Variants in BCAS3 observed in about 807,000 individuals in gnomAD.
The protein encoded by BCAS3 is BCAS3 microtubule associated cell migration factor, also known as BCAS4/BCAS3 fusion.
BCAS3 carries 53 observed loss-of-function variants against 116.1 expected under a neutral mutation model. The observed-to-expected ratio is 0.46, with a 90% confidence interval of 0.37 to 0.57. The LOEUF is 0.57. BCAS3 is among the 20% of genes least tolerant of loss of function. The pLI, the probability that BCAS3 is intolerant of heterozygous loss-of-function variation, is 0.00. For synonymous variants in BCAS3, 391 were observed against 408.2 expected (o/e 0.96, Z 0.51); for missense variants, 917 against 1,165.4 (o/e 0.79, Z 3.10).
Position 61,282,268 on chromosome 17 carries a change from T to A in BCAS3, c.2426-86059T>A, listed in dbSNP as rs2051303306. Among the ~76,000 whole-genome samples the A allele has an allele frequency of 6.6e-6, 1 of 152,202 alleles. No individual in the cohort carries two copies. Among genetic ancestry groups the A allele is most frequent in the South Asian group, 2.1e-4 (1 of 4,830 alleles). On this transcript the variant is annotated intron_variant, in intron 22 of 23. Transcript: ENST00000407086. This position sits in a 1 kb window ranked among gnomAD's most constrained non-coding sequence, Gnocchi z 5.9. ...TAGGAAAAAGCAAAGCTCATAAATG[T>A]GGGGTTTTCTTTATTGCTTCTTTGG... is the stretch of plus-strand genomic sequence containing the variant.
At chr17:61,036,739 G>C (rs2067065597) in intron 17 of BCAS3, among the ~76,000 whole-genome samples, 1 of 152,014 alleles carries the variant, frequency 6.6e-6, no homozygotes, top group Admixed American at 6.6e-5. Flanking sequence ...TTTGCTAGTG[G>C]GTACATGTGT....
chr17:60,783,074 A>AAATATATT, intron 6 of BCAS3, among the ~76,000 whole-genome samples: 1 of 152,248 alleles, frequency 6.6e-6, no homozygotes. Flanking sequence ...ATGCTGATAC[A>AAATATATT]TGTCATTATA....
intron 6 of BCAS3, among the ~76,000 whole-genome samples, chr17:60,806,501 A>T (rs1568292686): frequency 6.6e-6 from 1 of 151,694 alleles, no homozygotes; most frequent in Admixed American, 6.6e-5. Context: ...CATTATCAAT[A>T]TAGTTTTAAG....
intron 4 of BCAS3, among the ~76,000 whole-genome samples, chr17:60,705,651 A>C (rs528412597): frequency 6.6e-6 from 1 of 152,314 alleles, no homozygotes; most frequent in South Asian, 2.1e-4. Flanking sequence ...AGTTAAGAGA[A>C]GACAGCTTGA....
intron 16 of BCAS3, chr17:61,027,401 A>G (rs769432952): frequency 2.2e-6 from 1 of 448,348 alleles, no homozygotes; most frequent in Non-Finnish European, 4.4e-6. Context: ...GTATTTAAGG[A>G]GCTACATAAT....
At chr17:60,805,893 C>T (rs1274908410) in intron 6 of BCAS3, among the ~76,000 whole-genome samples, 2 of 140,936 alleles carry the variant, frequency 1.4e-5, no homozygotes, top group Non-Finnish European at 1.5e-5. Context: ...GAGCCTTGCT[C>T]TGTCCCTCAG....
chr17:60,876,364 A>G (rs1211979290), intron 9 of BCAS3, among the ~76,000 whole-genome samples: 2 of 151,842 alleles, frequency 1.3e-5, no homozygotes, highest in Non-Finnish European at 2.9e-5. Context: ...TGGCCTTTTC[A>G]CTAATACCCC....
chr17:61,194,959 GC>G, intron 22 of BCAS3, among the ~76,000 whole-genome samples: 1 of 152,198 alleles, frequency 6.6e-6, no homozygotes. Flanking sequence ...ATCCACCATA[GC>G]CAGCCAGCCT....
In BCAS3 at chr17:61,171,601, A is replaced by G. The variant is rs1325117862; in HGVS notation, c.2425+87037A>G. Reference sequence around the variant, plus strand: ...AGGACAAAAGTAAAAGGATAGAAATAATGATATATTATGCTAATACTAATT... The same window carrying G: ...AGGACAAAAGTAAAAGGATAGAAATGATGATATATTATGCTAATACTAATT... On this transcript the variant is annotated intron_variant, in intron 22 of 23. Transcript: ENST00000407086. This position sits in a 1 kb window ranked among gnomAD's most constrained non-coding sequence, Gnocchi z 4.1. Among the ~76,000 whole-genome samples, 1 of 152,168 alleles carries G rather than the reference A, an allele frequency of 6.6e-6. No individual in the cohort carries two copies. Among genetic ancestry groups the G allele is most frequent in the Non-Finnish European group, 1.5e-5 (1 of 68,032 alleles).
At chr17:61,155,992 T>C (rs950992996) in intron 22 of BCAS3, among the ~76,000 whole-genome samples, 4 of 152,112 alleles carry the variant, frequency 2.6e-5, no homozygotes, top group Non-Finnish European at 4.4e-5. Context: ...TATTTCAGAA[T>C]TGAGTTTTAC....
At position 61,246,823 on chromosome 17, in the gene BCAS3, G is replaced by GTGTGTA. The variant is rs1201337845; in HGVS notation, c.2426-121499_2426-121498insATGTGT. On this transcript the variant is annotated intron_variant, in intron 22 of 23. Coordinates refer to ENST00000407086, the MANE Select transcript of BCAS3 (RefSeq NM_017679.5). ...TGTGTGTGTGTGTGTGTGTGTGTGT[G>GTGTGTA]TGTGTGTATGTGTGTGATAACCTAA... Among the ~76,000 whole-genome samples the GTGTGTA allele has an allele frequency of 7.9e-5, 12 of 151,838 alleles. No homozygotes were observed. The East Asian group carries it at 1.5e-3, about 20-fold the overall frequency.
rs1027359143 is a variant in BCAS3, at chr17:61,097,028, A to G, written c.2425+12464A>G. 3.9e-5 allele frequency among the ~76,000 whole-genome samples: 6 copies of G among 152,248 alleles called. No individual in the cohort carries two copies. Among genetic ancestry groups the G allele is most frequent in the South Asian group, 4.1e-4 (2 of 4,832 alleles). On this transcript the variant is annotated intron_variant, in intron 22 of 23. Transcript: ENST00000407086. The surrounding 1 kb of genome is among the most constrained non-coding windows in gnomAD (Gnocchi z 4.0). ...GAATTTTCCAAAGTTAATGAAAGAC[A>G]TAAGTCAAAGTTTTAAGAAACTCAG...
chr17:61,012,574 C>T lies in BCAS3; in HGVS notation c.1487-3177C>T, dbSNP rs965243004. 1.3e-5 allele frequency among the ~76,000 whole-genome samples: 2 copies of T among 151,908 alleles called. No individual in the cohort carries two copies. Among genetic ancestry groups the T allele is most frequent in the African/African-American group, 2.4e-5 (1 of 41,394 alleles). ...AAAACTGTGTTTATAAGTTGCTAGC[C>T]ATATCCATTAATATGTAAGACAGAC... is the stretch of plus-strand genomic sequence containing the variant. On this transcript the variant is annotated intron_variant, in intron 15 of 23. Transcript: ENST00000407086. This position sits in a 1 kb window ranked among gnomAD's most constrained non-coding sequence, Gnocchi z 4.5.
At position 61,241,576 on chromosome 17, in the gene BCAS3, G is replaced by A. The variant is rs1210614500; in HGVS notation, c.2426-126751G>A. Reference sequence around the variant, plus strand: ...AAAAAATTACAAAAAAAAATTAGCCGGCCGTGGTGGCGGGTGCCTGTAGTC... The same window carrying A: ...AAAAAATTACAAAAAAAAATTAGCCAGCCGTGGTGGCGGGTGCCTGTAGTC... On this transcript the variant is annotated intron_variant, in intron 22 of 23. Transcript: ENST00000407086. The surrounding 1 kb of genome is among the most constrained non-coding windows in gnomAD (Gnocchi z 4.6). Among the ~76,000 whole-genome samples, 3 of 151,798 alleles carry A rather than the reference G, an allele frequency of 2.0e-5. No homozygotes were observed. The highest frequency in any genetic ancestry group is 3.9e-4 in the East Asian group (2 of 5,122).
chr17:61,001,562 A>G (rs1245392427), intron 15 of BCAS3, among the ~76,000 whole-genome samples: 2 of 152,156 alleles, frequency 1.3e-5, no homozygotes, highest in Non-Finnish European at 2.9e-5. Flanking sequence ...AATTTTTGCC[A>G]AGAAAAATCA....
Position 61,065,695 on chromosome 17 carries a change from G to T in BCAS3, c.2030-9225G>T, listed in dbSNP as rs895839543. Among the ~76,000 whole-genome samples, 1 of 152,152 alleles carries T rather than the reference G, an allele frequency of 6.6e-6. No individual in the cohort carries two copies. The highest frequency in any genetic ancestry group is 1.5e-5 in the Non-Finnish European group (1 of 68,028). ...GGGTTTTATTGTTTGTGGAGGAAGG[G>T]TGGGGATATGGTAAAGAGTAGGAGA... On this transcript the variant is annotated intron_variant, in intron 19 of 23. Transcript: ENST00000407086. This position sits in a 1 kb window ranked among gnomAD's most constrained non-coding sequence, Gnocchi z 4.8.
intron 22 of BCAS3, among the ~76,000 whole-genome samples, chr17:61,114,386 CAA>C (rs1440864002): frequency 1.4e-5 from 2 of 146,652 alleles, no homozygotes; most frequent in South Asian, 2.3e-4. Flanking sequence ...GCAACTTCAG[CAA>C]AGTCTCAGGA....
chr17:61,335,099 G>A (rs971784580), intron 22 of BCAS3, among the ~76,000 whole-genome samples: 62 of 152,224 alleles, frequency 4.1e-4, no homozygotes, highest in Non-Finnish European at 1.5e-4. Flanking sequence ...TTTCAGCCTG[G>A]TGTCATTTTC....
At position 61,333,518 on chromosome 17, in the gene BCAS3, C is replaced by T. The variant is rs139009351; in HGVS notation, c.2426-34809C>T. ...ACCCTTGCCAATCCCGTGCAAACCA[C>T]GCAATGTCTGCCAGCGCTCACTGCC... On this transcript the variant is annotated intron_variant, in intron 22 of 23. Transcript: ENST00000407086. The surrounding 1 kb of genome is among the most constrained non-coding windows in gnomAD (Gnocchi z 4.8). 4.1e-3 allele frequency among the ~76,000 whole-genome samples: 619 copies of T among 152,300 alleles called. 6 individuals are homozygous for T. The highest frequency in any genetic ancestry group is 5.0e-3 in the Non-Finnish European group (339 of 68,014).
Sources: allele counts gnomAD v4.1 joint callset (sites outside exome capture counted in the v4.1 genomes callset), GRCh38; gene constraint gnomAD v4.1.1; non-coding constraint Gnocchi (gnomAD v3.1); transcripts MANE v1.5; gene names NCBI Gene and HGNC (gene_info 2026-07-23, HGNC 2026-07-21).